Variants in BRF2 observed in about 807,000 individuals in gnomAD.
BRF2 encodes BRF2 general transcription factor IIIB subunit, also known as transcription factor IIIB 50 kDa subunit.
BRF2 carries 17 observed loss-of-function variants against 26.6 expected under a neutral mutation model. The ratio of observed to expected loss-of-function variants is 0.64; its 90% CI spans 0.44 to 0.96. BRF2 has a LOEUF of 0.96. Among genes scored for constraint, BRF2 ranks in the 40% least tolerant of loss-of-function variants. The probability of loss-of-function intolerance (pLI) is 0.00; values close to 1 mark genes in which losing one functional copy is unlikely to be tolerated. For synonymous variants in BRF2, 219 were observed against 226.6 expected, an observed-to-expected ratio of 0.97 and a Z score of 0.30; for missense variants, 515 against 537.0, an observed-to-expected ratio of 0.96 and a Z score of 0.40.
At chr8:37,848,779 G>A in intron 1 of BRF2, 124 bp from the exon 2 acceptor site, 1 of 764,866 alleles carries the variant, frequency 1.3e-6, no homozygotes. Context: ...ACAGTTAAAG[G>A]CCCCATCTGG....
chr8:37,848,643 G>A lies in BRF2; in HGVS notation c.167C>T (p.Ser56Phe), dbSNP rs1219418191. Residue 56 changes from serine (S) to phenylalanine (F), a missense_variant, in exon 2 of 4, where the codon TCC becomes TTC. Transcript: ENST00000220659. ...DEGNLREVTY[S>F]RSTGENEQVS... Reference sequence around the variant, plus strand: ...TTGTTCGTTTTCCCCTGTGCTTCGGGAATATGTTACCTCTGTAAGATAATA... The same window carrying A: ...TTGTTCGTTTTCCCCTGTGCTTCGGAAATATGTTACCTCTGTAAGATAATA... The A allele has an allele frequency of 6.2e-7, 1 of 1,613,916 alleles. No individual in the cohort carries two copies. The highest frequency in any genetic ancestry group is 1.7e-5 in the Admixed American group (1 of 60,012).
chr8:37,847,010 C>T lies in BRF2; in HGVS notation c.380G>A (p.Arg127Gln), dbSNP rs746089287. 21 of 1,614,058 alleles carry T rather than the reference C, an allele frequency of 1.3e-5. No homozygotes were observed. The highest frequency in any genetic ancestry group is 4.0e-5 in the African/African-American group (3 of 74,922). The change falls in exon 3 of 4, where the codon CGA (arginine) becomes CAA (glutamine). Residue 127 changes from arginine (R) to glutamine (Q), a missense_variant. Arg to Gln is a conservative substitution (Grantham distance 43). Coordinates refer to ENST00000220659, the MANE Select transcript of BRF2 (RefSeq NM_018310.4). ...LVGCCVLITC[R>Q]QHNWPLTMGA... ...CATTGTTAGGGGCCAGTTATGCTGT[C>T]GGCAGGTGATTAAGACGCAGCACCC...
chr8:37,848,398 C>T (rs1480217290), intron 2 of BRF2, among the ~76,000 whole-genome samples, 198 bp downstream of exon 2: 2 of 152,122 alleles, frequency 1.3e-5, no homozygotes, highest in African/African-American at 2.4e-5. Flanking sequence ...AGGTACATGC[C>T]ACCATGCCCA....
rs1563358891 is a variant in BRF2 at position 37,846,925 on chromosome 8, C to G, written c.465G>C (p.Gln155His). The G allele has an allele frequency of 1.9e-6, 3 of 1,614,084 alleles. No homozygotes were observed. The highest frequency in any genetic ancestry group is 2.5e-6 in the Non-Finnish European group (3 of 1,180,016). ...DLDVFSSTYM[Q>H]IVKLLGLDVP... ...CATCCAGTCCCAGGAGCTTCACTAT[C>G]TGCATGTAAGTGCTAGAAAACACAT... is the stretch of plus-strand genomic sequence containing the variant. The change falls in exon 3 of 4, where the codon CAG becomes CAC. Residue 155 changes from glutamine to histidine, a missense_variant. By Grantham distance (24) the Gln-to-His change is conservative. Transcript: ENST00000220659.
At chr8:37,848,883 T>G (rs1461742611) in intron 1 of BRF2, among the ~76,000 whole-genome samples, 1 of 152,208 alleles carries the variant, frequency 6.6e-6, no homozygotes. Context: ...TTTCCAGTCA[T>G]CCTTCCAGTA....
intron 3 of BRF2, chr8:37,845,636 G>C (rs966736523): frequency 2.9e-6 from 2 of 689,400 alleles, no homozygotes; most frequent in Non-Finnish European, 5.2e-6. Context: ...AAAGAACATA[G>C]CTACTTCAAA....
At chr8:37,849,372 C>T (rs1806022491) in intron 1 of BRF2, among the ~76,000 whole-genome samples, 1 of 152,224 alleles carries the variant, frequency 6.6e-6, no homozygotes, top group African/African-American at 2.4e-5. Context: ...CCAGACATGG[C>T]AAGATGAGTG....
rs1805917290 is a variant in BRF2, at chr8:37,844,679, G to A, written c.1071C>T (p.Leu357=). 1 of 1,614,142 alleles carries A rather than the reference G, an allele frequency of 6.2e-7. No individual in the cohort carries two copies. Among genetic ancestry groups the A allele is most frequent in the African/African-American group, 1.3e-5 (1 of 75,046 alleles). Residue 357 remains leucine (L), a synonymous_variant, in exon 4 of 4, where the codon CTC becomes CTT. Transcript: ENST00000220659. ...QGKRPASPAL[L]LPPCMLKSPK... Reference sequence around the variant, plus strand: ...GGGACTTCAACATGCAGGGTGGCAAGAGAAGGGCAGGACTGGCCGGCCGCT... The same window carrying A: ...GGGACTTCAACATGCAGGGTGGCAAAAGAAGGGCAGGACTGGCCGGCCGCT...
chr8:37,849,841 A>G lies in BRF2; in HGVS notation c.-58T>C, dbSNP rs1806040955. 4 of 1,513,394 alleles carry G rather than the reference A, an allele frequency of 2.6e-6. No homozygotes were observed. The highest frequency in any genetic ancestry group is 3.5e-6 in the Non-Finnish European group (4 of 1,127,290). The allele number at this position is 1,513,394 out of a possible 1,614,324, so 93.7% of individuals were successfully genotyped here. A position where few individuals can be genotyped will look rare whatever the true frequency, so the allele number is the denominator to read the frequency against. The stretch of plus-strand genomic sequence containing the variant: ...CAGAGACTCCTGGGTCTGCAACAGC[A>G]ACCGTGAGGCAGCAAGAAGTAGGAG... On this transcript the variant is annotated 5_prime_UTR_variant, in exon 1 of 4. Transcript: ENST00000220659.
rs1458625377 is a variant in BRF2 at position 37,844,466 on chromosome 8, T to A, written c.*24A>T. On this transcript the variant is annotated 3_prime_UTR_variant, in exon 4 of 4. Transcript: ENST00000220659. Reference sequence around the variant, plus strand: ...ATGTTATCAAGCTGTCAGAACAGGATGAAGTGCTCCCAGTGGATATCCATC... The same window carrying A: ...ATGTTATCAAGCTGTCAGAACAGGAAGAAGTGCTCCCAGTGGATATCCATC... The A allele has an allele frequency of 6.2e-7, 1 of 1,606,998 alleles. No homozygotes were observed. The highest frequency in any genetic ancestry group is 8.5e-7 in the Non-Finnish European group (1 of 1,176,328).
At chr8:37,847,655 G>T (rs1449268160) in intron 2 of BRF2, among the ~76,000 whole-genome samples, 1 of 151,960 alleles carries the variant, frequency 6.6e-6, no homozygotes, top group Admixed American at 6.6e-5. Flanking sequence ...TCAGCCTCCC[G>T]AGTAGCTGGG....
Position 37,844,034 on chromosome 8 carries a change from C to A in BRF2, c.*456G>T, listed in dbSNP as rs1205735487. ...GTAGAGGATCTCATGACACCATACA[C>A]ACAAACCCATCATTGCCTGTGAATG... On this transcript the variant is annotated 3_prime_UTR_variant, in exon 4 of 4. Coordinates refer to ENST00000220659, the MANE Select transcript of BRF2 (RefSeq NM_018310.4). The A allele has an allele frequency of 7.3e-5, 13 of 177,840 alleles. No homozygotes were observed. The allele number at this position is 177,840 out of a possible 1,614,324, so 11.0% of individuals were successfully genotyped here. A position where few individuals can be genotyped will look rare whatever the true frequency, so the allele number is the denominator to read the frequency against.
intron 1 of BRF2, among the ~76,000 whole-genome samples, chr8:37,849,101 T>A (rs72641980): frequency 0.23 from 35,640 of 151,806 alleles, 4,368 homozygotes; most frequent in Middle Eastern, 0.29. Context: ...TAAAAAAAAA[T>A]TTTTTTAGGC....
In BRF2 at chr8:37,849,768, G is replaced by A. The variant is rs758938022; in HGVS notation, c.16C>T (p.Arg6Cys). Reference protein sequence around the residue: MPGRGRCPDCGSTELV... With the variant: MPGRGCCPDCGSTELV... Reference sequence around the variant, plus strand: ...TCCGTGGAGCCGCAGTCCGGGCAGCGGCCTCTGCCTGGCATCTCACAACCG... The same window carrying A: ...TCCGTGGAGCCGCAGTCCGGGCAGCAGCCTCTGCCTGGCATCTCACAACCG... Residue 6 changes from arginine (R) to cysteine (C), a missense_variant, in exon 1 of 4, where the codon CGC (arginine) becomes TGC (cysteine). Physicochemically the swap from Arg to Cys is radical, Grantham distance 180. Transcript: ENST00000220659. 7 of 1,610,552 alleles carry A rather than the reference G, an allele frequency of 4.3e-6. No homozygotes were observed. The highest frequency in any genetic ancestry group is 5.9e-6 in the Non-Finnish European group (7 of 1,179,332).
intron 2 of BRF2, among the ~76,000 whole-genome samples, chr8:37,847,680 C>G (rs1375903155): frequency 6.6e-6 from 1 of 151,920 alleles, no homozygotes. Context: ...CAGGTGTGCA[C>G]CACCAGGCCC....
In BRF2 at chr8:37,844,552, T is replaced by A. The variant is rs1805913589; in HGVS notation, c.1198A>T (p.Arg400Trp). Residue 400 changes from arginine to tryptophan, a missense_variant, in exon 4 of 4, where the codon AGG becomes TGG. Coordinates refer to ENST00000220659, the MANE Select transcript of BRF2 (RefSeq NM_018310.4). ...GCAGCCTGGGCTCTCTGAAAGTCCC[T>A]AACTTCCTGAGGGGTACGCAAATAC... ...EQYLRTPQEV[R>W]DFQRAQAARQ... 3 of 1,614,026 alleles carry A rather than the reference T, an allele frequency of 1.9e-6. No individual in the cohort carries two copies. Among genetic ancestry groups the A allele is most frequent in the Non-Finnish European group, 2.5e-6 (3 of 1,180,022 alleles).
rs1234406552 is a variant in BRF2, at chr8:37,843,417, A to T, written c.*1073T>A. ...CAGCTTCCCGACTCCCAGGAGCTCA[A>T]GCCAAGCCCAGAGGCAGTGGCTGGG... On this transcript the variant is annotated 3_prime_UTR_variant, in exon 4 of 4. Coordinates refer to ENST00000220659, the MANE Select transcript of BRF2 (RefSeq NM_018310.4). The T allele has an allele frequency of 6.6e-6, 1 of 152,302 alleles. No homozygotes were observed. The highest frequency in any genetic ancestry group is 1.5e-5 in the Non-Finnish European group (1 of 68,088). The allele number at this position is 152,302 out of a possible 1,614,324, so 9.4% of individuals were successfully genotyped here.
Position 37,846,914 on chromosome 8 carries a change from A to G in BRF2, c.476T>C (p.Leu159Pro). ...FSSTYMQIVK[L>P]LGLDVPSLCL... ...CAGAGATGGCACATCCAGTCCCAGG[A>G]GCTTCACTATCTGCATGTAAGTGCT... Residue 159 changes from leucine to proline, a missense_variant, in exon 3 of 4, where the codon CTC becomes CCC. Physicochemically the swap from Leu to Pro is moderately conservative, Grantham distance 98. Transcript: ENST00000220659. The G allele has an allele frequency of 1.2e-6, 2 of 1,614,130 alleles. No homozygotes were observed. Among genetic ancestry groups the G allele is most frequent in the Non-Finnish European group, 1.7e-6 (2 of 1,179,980 alleles).
chr8:37,847,072 G>A lies in BRF2; in HGVS notation c.318C>T (p.Ile106=), dbSNP rs1788375981. 6.2e-7 allele frequency: 1 copy of A among 1,614,114 alleles called. No homozygotes were observed. Among genetic ancestry groups the A allele is most frequent in the Admixed American group, 1.7e-5 (1 of 60,008 alleles). ...CCTTCTTTTGCAGCCTGGCCGCTCG[G>A]ATGCCAGAGTGCCGATATGCCTGTT... The part of the protein sequence containing the change: ...YYQQAYRHSG[I]RAARLQKKEV... Residue 106 remains isoleucine, a synonymous_variant, in exon 3 of 4, where the codon ATC becomes ATT. Transcript: ENST00000220659.
Sources: allele counts gnomAD v4.1 joint callset (sites outside exome capture counted in the v4.1 genomes callset), GRCh38; gene constraint gnomAD v4.1.1; transcripts MANE v1.5; gene names NCBI Gene and HGNC (gene_info 2026-07-23, HGNC 2026-07-21).